ZRANB1: variants seen among roughly 807,000 people sequenced by gnomAD.
ZRANB1 encodes zinc finger RANBP2-type containing 1.
Under a neutral mutation model 80.5 loss-of-function variants are expected in ZRANB1, and 16 were observed. That is an observed-to-expected ratio of 0.20 (90% CI 0.13 to 0.30). ZRANB1 has a LOEUF of 0.30. ZRANB1 is among the 10% of genes least tolerant of loss of function. ZRANB1 has a pLI of 1.00. For synonymous variants in ZRANB1, 291 were observed against 293.1 expected (o/e 0.99, Z 0.07); for missense variants, 576 against 862.6 (o/e 0.67, Z 4.16).
At position 124,986,302 on chromosome 10, in the gene ZRANB1, C is replaced by CAG. The variant is rs1952041200; in HGVS notation, c.*1311_*1312insGA. On this transcript the variant is annotated 3_prime_UTR_variant, in exon 9 of 9. Coordinates refer to ENST00000359653, the MANE Select transcript of ZRANB1 (RefSeq NM_017580.3). ...GCACGCGCGCGCGCGCACACACACA[C>CAG]ACACACACACACACACACACAGTTT... The CAG allele has an allele frequency of 1.1e-5, 1 of 88,966 alleles. No homozygotes were observed. The allele number at this position is 88,966 out of a possible 1,614,324, so 5.5% of individuals were successfully genotyped here.
upstream of ZRANB1, among the ~76,000 whole-genome samples, chr10:124,941,545 C>T (rs1951536560): frequency 6.6e-6 from 1 of 152,100 alleles, no homozygotes; most frequent in South Asian, 2.1e-4. Context: ...AGAGACGGGG[C>T]TTTACCATCT....
chr10:124,949,493 G>GTA (rs1289778618), intron 1 of ZRANB1, among the ~76,000 whole-genome samples: 3 of 119,240 alleles, frequency 2.5e-5, no homozygotes, highest in Middle Eastern at 3.7e-3. Context: ...ATATATTCAC[G>GTA]TATACACACA....
chr10:124,983,235 A>G lies in ZRANB1; in HGVS notation c.1609A>G (p.Ile537Val). The G allele has an allele frequency of 2.5e-6, 4 of 1,614,180 alleles. No homozygotes were observed. The highest frequency in any genetic ancestry group is 3.4e-6 in the Non-Finnish European group (4 of 1,180,002). Residue 537 changes from isoleucine (I) to valine (V), a missense_variant, in exon 7 of 9, where the codon ATT (isoleucine) becomes GTT (valine). Coordinates refer to ENST00000359653, the MANE Select transcript of ZRANB1 (RefSeq NM_017580.3). This position sits in a 1 kb window ranked among gnomAD's most constrained non-coding sequence, Gnocchi z 6.2. ...ACTGGCACATATTCTTAGACGACCA[A>G]TTATAGTTTATGGAGTAAAATATTA... ...FVLAHILRRP[I>V]IVYGVKYYKS... is the part of the protein sequence containing the mutation.
chr10:124,957,277 A>G (rs1201531586), intron 1 of ZRANB1, among the ~76,000 whole-genome samples: 1 of 151,974 alleles, frequency 6.6e-6, no homozygotes, highest in East Asian at 1.9e-4. Context: ...TTCAGTTTAA[A>G]CATTTATCTT....
the ZRANB1 span, among the ~76,000 whole-genome samples, chr10:124,933,310 C>T: frequency 1.3e-5 from 2 of 151,096 alleles, no homozygotes; most frequent in African/African-American, 2.4e-5. Context: ...CTAATTTTTT[C>T]GTATTTTTAA....
At chr10:124,923,820 C>T in the ZRANB1 span, among the ~76,000 whole-genome samples, 4 of 151,726 alleles carry the variant, frequency 2.6e-5, no homozygotes, top group East Asian at 1.9e-4. Context: ...CCCCATGATC[C>T]GGTCACTTCC....
the ZRANB1 span, among the ~76,000 whole-genome samples, chr10:124,927,842 G>A: frequency 6.6e-6 from 1 of 152,220 alleles, no homozygotes; most frequent in South Asian, 2.1e-4. Flanking sequence ...TTGGAGACCA[G>A]CCTGGCCAAC....
chr10:124,940,493 CT>C, upstream of ZRANB1: 1 of 1,288,314 alleles, frequency 7.8e-7, no homozygotes, highest in Non-Finnish European at 1.0e-6. Context: ...GCAAACCGTA[CT>C]TTTATTCTAA....
At chr10:124,928,715 C>A in the ZRANB1 span, among the ~76,000 whole-genome samples, 1 of 152,174 alleles carries the variant, frequency 6.6e-6, no homozygotes, top group South Asian at 2.1e-4. Context: ...GTTCTATTTA[C>A]GCTCTAGTGT....
In ZRANB1 at chr10:124,984,874, G is replaced by A. The variant is rs768411825; in HGVS notation, c.2009G>A (p.Arg670Gln). 5.0e-6 allele frequency: 8 copies of A among 1,613,834 alleles called. No homozygotes were observed. The highest frequency in any genetic ancestry group is 5.9e-6 in the Non-Finnish European group (7 of 1,180,024). Residue 670 changes from arginine to glutamine, a missense_variant, in exon 9 of 9, where the codon CGG (arginine) becomes CAG (glutamine). By Grantham distance (43) the Arg-to-Gln change is conservative. This residue lies in a region of ZRANB1 where 152 missense variants were observed against 221.9 expected (regional missense o/e 0.69). Coordinates refer to ENST00000359653, the MANE Select transcript of ZRANB1 (RefSeq NM_017580.3). ...GTTGCCATGCAGAAGAGTTCTCGGC[G>A]GCGAAATCACCCCCTGGTCACTCAG... ...VLVAMQKSSR[R>Q]RNHPLVTQMV...
Position 124,987,722 on chromosome 10 carries a change from C to T in ZRANB1, c.*2730C>T, listed in dbSNP as rs188789917. 1 of 152,246 alleles carries T rather than the reference C, an allele frequency of 6.6e-6. No individual in the cohort carries two copies. Among genetic ancestry groups the T allele is most frequent in the East Asian group, 1.9e-4 (1 of 5,178 alleles). 9.4% of individuals were successfully genotyped at this position (152,246 alleles called of 1,614,324 possible). On this transcript the variant is annotated 3_prime_UTR_variant, in exon 9 of 9. Transcript: ENST00000359653. ...CTTAAAATGAGTGAGCAGACAAGGC[C>T]AGGCAAGCCAAAGGCTTTAAGACAC... is the stretch of plus-strand genomic sequence containing the variant.
chr10:124,958,932 C>G (rs905651402), intron 1 of ZRANB1, among the ~76,000 whole-genome samples: 4 of 152,214 alleles, frequency 2.6e-5, no homozygotes, highest in African/African-American at 9.6e-5. Context: ...GCCTCGGCCT[C>G]CCCAAATTGC....
At chr10:124,926,347 G>A in the ZRANB1 span, among the ~76,000 whole-genome samples, 2 of 152,070 alleles carry the variant, frequency 1.3e-5, no homozygotes, top group African/African-American at 4.8e-5. Context: ...TTAGACTTTT[G>A]TAGTAACACT....
rs1952020249 is a variant in ZRANB1, at chr10:124,985,833, C to T, written c.*841C>T. ...CTAAATGAATTGTGTGAAATGTGCT[C>T]ACTTGGACTCCATCAACAATGTGCT... is the stretch of plus-strand genomic sequence containing the variant. On this transcript the variant is annotated 3_prime_UTR_variant, in exon 9 of 9. Transcript: ENST00000359653. 1 of 152,178 alleles carries T rather than the reference C, an allele frequency of 6.6e-6. No individual in the cohort carries two copies. The highest frequency in any genetic ancestry group is 2.4e-5 in the African/African-American group (1 of 41,436). 9.4% of individuals were successfully genotyped at this position (152,178 alleles called of 1,614,324 possible).
At position 124,983,661 on chromosome 10, in the gene ZRANB1, C is replaced by G. The variant is rs1951962795; in HGVS notation, c.1881C>G (p.Leu627=). The change falls in exon 8 of 9, where the codon CTC becomes CTG. Residue 627 remains leucine (L), a synonymous_variant. Coordinates refer to ENST00000359653, the MANE Select transcript of ZRANB1 (RefSeq NM_017580.3). This position sits in a 1 kb window ranked among gnomAD's most constrained non-coding sequence, Gnocchi z 6.2. ...LPLVDSERKL[L]HVHFLSAQEL... ...TGGTTGACAGTGAAAGGAAGCTACT[C>G]CATGTGCACTTCCTTTCTGCTCAGG... The G allele has an allele frequency of 3.1e-6, 5 of 1,603,692 alleles. No individual in the cohort carries two copies. Among genetic ancestry groups the G allele is most frequent in the East Asian group, 2.2e-5 (1 of 44,634 alleles).
the ZRANB1 span, among the ~76,000 whole-genome samples, chr10:124,920,281 A>G: frequency 6.6e-6 from 1 of 152,152 alleles, no homozygotes; most frequent in Non-Finnish European, 1.5e-5. Flanking sequence ...CTTTCCAATA[A>G]TAATCTCTTG....
intron 1 of ZRANB1, among the ~76,000 whole-genome samples, chr10:124,949,523 A>ACAT (rs531718406): frequency 0.044 from 5,153 of 116,702 alleles, 145 homozygotes; most frequent in Non-Finnish European, 0.066. Flanking sequence ...ACACACACAC[A>ACAT]TTTTTTTTTT....
chr10:124,969,579 A>G (rs1336191466), intron 2 of ZRANB1, among the ~76,000 whole-genome samples: 1 of 152,190 alleles, frequency 6.6e-6, no homozygotes, highest in Admixed American at 6.5e-5. Context: ...CATGAAACTT[A>G]TGGACTCCTT....
Position 124,943,178 on chromosome 10 carries a change from G to C in ZRANB1, c.685G>C (p.Asp229His). The stretch of plus-strand genomic sequence containing the variant: ...GAAGCGGGACTCTGAAGTGAAAATG[G>C]ATTTTCAGAGGATTGAATTGGCTGG... ...ATKRDSEVKMDFQRIELAGAV... is the reference protein window; with the variant it reads ...ATKRDSEVKMHFQRIELAGAV... The change falls in exon 1 of 9, where the codon GAT becomes CAT. Residue 229 changes from aspartate to histidine, a missense_variant. Coordinates refer to ENST00000359653, the MANE Select transcript of ZRANB1 (RefSeq NM_017580.3). 1 of 1,614,214 alleles carries C rather than the reference G, an allele frequency of 6.2e-7. No individual in the cohort carries two copies. The highest frequency in any genetic ancestry group is 1.3e-5 in the African/African-American group (1 of 75,056).
Sources: gnomAD v4.1 joint callset for allele counts (sites outside exome capture counted in the v4.1 genomes callset) on GRCh38, gnomAD v4.1.1 for gene constraint, gnomAD v4.1.1 regional missense constraint, Gnocchi (gnomAD v3.1) non-coding constraint, MANE v1.5 for transcripts, NCBI Gene and HGNC (gene_info 2026-07-23, HGNC 2026-07-21) for gene names.